KPNA3: variants seen among roughly 807,000 people sequenced by gnomAD.
KPNA3 encodes the protein importin subunit alpha-4.
KPNA3 carries 13 observed loss-of-function variants against 73.8 expected under a neutral mutation model. That is an observed-to-expected ratio of 0.18 (90% CI 0.11 to 0.28). The LOEUF is 0.28. Ranked by LOEUF, KPNA3 falls within the 10% of genes least tolerant of loss-of-function variation. The pLI is 1.00. For missense variants in KPNA3, 360 were observed against 618.1 expected (o/e 0.58, Z 4.43); for synonymous variants, 186 against 206.9 (o/e 0.90, Z 0.87).
intron 14 of KPNA3, 115 bp downstream of exon 14, chr13:49,705,983 T>C (rs938223303): frequency 1.8e-6 from 2 of 1,101,182 alleles, no homozygotes; most frequent in Non-Finnish European, 2.6e-6. Flanking sequence ...CTTAAAATAA[T>C]AATAATTATC....
intron 10 of KPNA3, among the ~76,000 whole-genome samples, chr13:49,716,409 C>CT (rs1023246454): frequency 9.2e-5 from 14 of 152,214 alleles, no homozygotes; most frequent in African/African-American, 3.4e-4. Context: ...ATTTGTTCCA[C>CT]ATTTTATGCT....
chr13:49,744,394 C>CA (rs1391147397), intron 2 of KPNA3, among the ~76,000 whole-genome samples: 1 of 152,064 alleles, frequency 6.6e-6, no homozygotes, highest in Non-Finnish European at 1.5e-5. Flanking sequence ...TGGGAATTAG[C>CA]AAGTATTTTT....
At chr13:49,792,398 G>C in intron 1 of KPNA3, 40 bp downstream of exon 1, 1 of 1,472,132 alleles carries the variant, frequency 6.8e-7, no homozygotes. Context: ...TCGCCGGGCC[G>C]GCGCGGCCAG....
chr13:49,761,960 C>A (rs1328636487), intron 1 of KPNA3, among the ~76,000 whole-genome samples: 1 of 151,802 alleles, frequency 6.6e-6, no homozygotes, highest in African/African-American at 2.4e-5. Flanking sequence ...CCCCTCCACC[C>A]GGCAGCCGCC....
At chr13:49,732,835 A>T in intron 3 of KPNA3, 59 bp from the exon 4 acceptor site, 7 of 1,398,702 alleles carry the variant, frequency 5.0e-6, no homozygotes, top group Non-Finnish European at 7.0e-6. Context: ...CATTCATTAA[A>T]CAGTGTACCT....
intron 1 of KPNA3, among the ~76,000 whole-genome samples, chr13:49,750,024 A>G (rs933168389): frequency 2.0e-5 from 3 of 152,144 alleles, no homozygotes; most frequent in African/African-American, 7.2e-5. Context: ...ACCACTCCCA[A>G]GTATCTATTT....
Position 49,723,356 on chromosome 13 carries a change from G to A in KPNA3, c.470-793C>T, listed in dbSNP as rs112805444. Among the ~76,000 whole-genome samples, 562 of 152,160 alleles carry A rather than the reference G, an allele frequency of 3.7e-3. 2 individuals are homozygous for A. Among genetic ancestry groups the A allele is most frequent in the African/African-American group, 0.013 (545 of 41,514 alleles). On this transcript the variant is annotated intron_variant, in intron 7 of 16. Transcript: ENST00000261667. The stretch of plus-strand genomic sequence containing the variant: ...GGAGGCCGAGGCAGATGGATCACCA[G>A]GTCAGGAGTTCAAGACCAGCCTGGC...
rs763763948 is a variant in KPNA3 at position 49,781,991 on chromosome 13, G to T, written c.69+10447C>A. On this transcript the variant is annotated intron_variant, in intron 1 of 16. Coordinates refer to ENST00000261667, the MANE Select transcript of KPNA3 (RefSeq NM_002267.4). ...TCTAGCCGGCAGGAATTAACGGATG[G>T]TTACCTTCACAGTACTTCTGTCAAG... 2.0e-5 allele frequency among the ~76,000 whole-genome samples: 3 copies of T among 149,620 alleles called. No individual in the cohort carries two copies. In the East Asian group the frequency reaches 5.8e-4, roughly 29 times the overall value.
At chr13:49,727,975 C>T (rs1954426495) in intron 6 of KPNA3, among the ~76,000 whole-genome samples, 1 of 152,150 alleles carries the variant, frequency 6.6e-6, no homozygotes, top group Admixed American at 6.5e-5. Context: ...GTGGCTCACG[C>T]CTGTAATCCC....
chr13:49,711,781 A>G (rs1459862433), intron 10 of KPNA3, among the ~76,000 whole-genome samples: 1 of 152,214 alleles, frequency 6.6e-6, no homozygotes, highest in East Asian at 1.9e-4. Context: ...ATCCAAATTG[A>G]AGACATCACA....
At chr13:49,787,681 AT>A (rs35108432) in intron 1 of KPNA3, among the ~76,000 whole-genome samples, 39,066 of 131,866 alleles carry the variant, frequency 0.3, 6,617 homozygotes, top group East Asian at 0.74. Context: ...TAATTTTTGT[AT>A]TTTTTTTTTT....
chr13:49,751,494 G>A (rs972570091), intron 1 of KPNA3, among the ~76,000 whole-genome samples: 2 of 152,126 alleles, frequency 1.3e-5, no homozygotes, highest in South Asian at 2.1e-4. Flanking sequence ...TTTTTAAAAT[G>A]CAAAATCTGT....
At chr13:49,756,730 G>A (rs1251430713) in intron 1 of KPNA3, among the ~76,000 whole-genome samples, 2 of 152,122 alleles carry the variant, frequency 1.3e-5, no homozygotes, top group East Asian at 3.8e-4. Flanking sequence ...TATACGGAAA[G>A]GCAAAGTAAG....
rs115897492 is a variant in KPNA3, at chr13:49,749,545, T to C, written c.70-2552A>G. Among the ~76,000 whole-genome samples, 656 of 152,314 alleles carry C rather than the reference T, an allele frequency of 4.3e-3. 6 individuals are homozygous for C. Among genetic ancestry groups the C allele is most frequent in the African/African-American group, 0.015 (622 of 41,574 alleles). On this transcript the variant is annotated intron_variant, in intron 1 of 16. Coordinates refer to ENST00000261667, the MANE Select transcript of KPNA3 (RefSeq NM_002267.4). The stretch of plus-strand genomic sequence containing the variant: ...TGTGTTCCATCCCTTCTTAGAGAAC[T>C]GTATCACCTAATCCTAGTCAGAACA...
Position 49,699,385 on chromosome 13 carries a change from GAACAC to G in KPNA3, c.*2410_*2414del, listed in dbSNP as rs1243080304. Reference sequence around the variant, plus strand: ...AACCTAAGCCCATATACAAAATTAGGAACACATTTAGATGCCTCTTTTGAAAGAAC... The same window carrying G: ...AACCTAAGCCCATATACAAAATTAGGATTTAGATGCCTCTTTTGAAAGAAC... On this transcript the variant is annotated 3_prime_UTR_variant, in exon 17 of 17. Transcript: ENST00000261667. The G allele has an allele frequency of 6.6e-6, 1 of 152,204 alleles. No homozygotes were observed. The highest frequency in any genetic ancestry group is 1.5e-5 in the Non-Finnish European group (1 of 67,956). The allele number at this position is 152,204 out of a possible 1,614,324, so 9.4% of individuals were successfully genotyped here.
Position 49,701,397 on chromosome 13 carries a change from C to A in KPNA3, c.*403G>T, listed in dbSNP as rs1444057072. 2.4e-6 allele frequency: 1 copy of A among 423,656 alleles called. No homozygotes were observed. Among genetic ancestry groups the A allele is most frequent in the Non-Finnish European group, 4.9e-6 (1 of 202,120 alleles). 26.2% of individuals were successfully genotyped at this position (423,656 alleles called of 1,614,324 possible). A position where few individuals can be genotyped will look rare whatever the true frequency, so the allele number is the denominator to read the frequency against. ...GATCACACTGCACCTCTTTAGTCTT[C>A]CAACTTGTATATGCATCATACCAAA... On this transcript the variant is annotated 3_prime_UTR_variant, in exon 17 of 17. Coordinates refer to ENST00000261667, the MANE Select transcript of KPNA3 (RefSeq NM_002267.4).
rs938095116 is a variant in KPNA3 at position 49,699,731 on chromosome 13, A to G, written c.*2069T>C. 42 of 152,688 alleles carry G rather than the reference A, an allele frequency of 2.8e-4. No homozygotes were observed. The highest frequency in any genetic ancestry group is 4.4e-4 in the Non-Finnish European group (30 of 68,054). The allele number at this position is 152,688 out of a possible 1,614,324, so 9.5% of individuals were successfully genotyped here. A position where few individuals can be genotyped will look rare whatever the true frequency, so the allele number is the denominator to read the frequency against. ...AAAGGTAACTGTCAGTTAAGTAAGG[A>G]AAGTCCAGAAGAAACTAAACTGGAA... On this transcript the variant is annotated 3_prime_UTR_variant, in exon 17 of 17. Coordinates refer to ENST00000261667, the MANE Select transcript of KPNA3 (RefSeq NM_002267.4).
intron 1 of KPNA3, among the ~76,000 whole-genome samples, chr13:49,779,629 A>C (rs1258206832): frequency 6.6e-6 from 1 of 152,018 alleles, no homozygotes; most frequent in Non-Finnish European, 1.5e-5. Flanking sequence ...AGTCAACACC[A>C]CCCTTCTTAA....
intron 1 of KPNA3, among the ~76,000 whole-genome samples, chr13:49,789,856 C>T: frequency 6.6e-6 from 1 of 152,306 alleles, no homozygotes; most frequent in East Asian, 1.9e-4. Flanking sequence ...CTTTGCCTGG[C>T]CACCTTTCTT....
Sources: gnomAD v4.1 joint callset for allele counts (sites outside exome capture counted in the v4.1 genomes callset) on GRCh38, gnomAD v4.1.1 for gene constraint, MANE v1.5 for transcripts, NCBI Gene and HGNC (gene_info 2026-07-23, HGNC 2026-07-21) for gene names.